EML6: variants seen among roughly 807,000 people sequenced by gnomAD.
The protein encoded by EML6 is EMAP like 6.
A neutral mutation model predicts 240.1 loss-of-function variants in EML6; 154 were observed. That is an observed-to-expected ratio of 0.64 (90% confidence interval 0.56 to 0.73). The LOEUF (loss-of-function observed/expected upper bound fraction) is 0.73, where lower values mean the gene tolerates loss of function less well. Among genes scored for constraint, EML6 ranks in the 30% least tolerant of loss-of-function variants. The probability of loss-of-function intolerance (pLI) is 0.00; values close to 1 mark genes in which losing one functional copy is unlikely to be tolerated. For synonymous variants in EML6, 1,148 were observed against 899.0 expected (o/e 1.28, Z -4.95); for missense variants, 2,964 against 2,474.6 (o/e 1.20, Z -4.20).
At chr2:54,755,483 C>A (rs1235309127) in intron 2 of EML6, among the ~76,000 whole-genome samples, 1 of 152,090 alleles carries the variant, frequency 6.6e-6, no homozygotes, top group African/African-American at 2.4e-5. Flanking sequence ...GTCTTCCAAT[C>A]CATGAAAATG....
intron 32 of EML6, among the ~76,000 whole-genome samples, chr2:54,955,899 T>A (rs2104509336): frequency 6.6e-6 from 1 of 152,362 alleles, no homozygotes. Flanking sequence ...GGGTTTGCCT[T>A]CATTTCAAGT....
At chr2:54,945,915 A>G (rs542277902) in intron 28 of EML6, among the ~76,000 whole-genome samples, 1 of 152,256 alleles carries the variant, frequency 6.6e-6, no homozygotes, top group East Asian at 1.9e-4. Context: ...TGCCCACAGA[A>G]TGTGCCAACT....
At chr2:54,860,215 A>G (rs562630404) in intron 12 of EML6, among the ~76,000 whole-genome samples, 3 of 152,146 alleles carry the variant, frequency 2.0e-5, no homozygotes, top group Non-Finnish European at 4.4e-5. Context: ...GACCTCACAC[A>G]TAGTGCCCTA....
chr2:54,843,968 G>GTGTGTGTA, intron 7 of EML6, 79 bp from the exon 8 acceptor site: 1 of 499,766 alleles, frequency 2.0e-6, no homozygotes, highest in Middle Eastern at 3.9e-4. Flanking sequence ...AGGGTTTTGT[G>GTGTGTGTA]TGTGTGTGTG....
chr2:54,792,677 CAATTT>C (rs1669518321), intron 2 of EML6, among the ~76,000 whole-genome samples: 1 of 152,060 alleles, frequency 6.6e-6, no homozygotes, highest in South Asian at 2.1e-4. Context: ...ATTTATACCT[CAATTT>C]AAAAATGTGA....
intron 26 of EML6, among the ~76,000 whole-genome samples, chr2:54,928,097 C>G (rs535880867): frequency 1.3e-5 from 2 of 152,170 alleles, no homozygotes; most frequent in African/African-American, 4.8e-5. Context: ...TTCATTCATT[C>G]CCTCAAAAAT....
intron 7 of EML6, among the ~76,000 whole-genome samples, chr2:54,831,513 C>T (rs1221461902): frequency 1.3e-5 from 2 of 152,004 alleles, no homozygotes; most frequent in East Asian, 3.9e-4. Context: ...CAGCGACGCC[C>T]TCCGTTATAC....
intron 1 of EML6, 64 bp downstream of exon 1, chr2:54,723,841 A>G (rs757407808): frequency 1.3e-5 from 2 of 152,738 alleles, no homozygotes; most frequent in East Asian, 1.9e-4. Flanking sequence ...GGAGGAGTGC[A>G]GGGCGCCGCC....
intron 29 of EML6, among the ~76,000 whole-genome samples, chr2:54,950,087 T>G (rs1009252003): frequency 5.3e-5 from 8 of 152,244 alleles, no homozygotes; most frequent in African/African-American, 1.9e-4. Flanking sequence ...CTGTTCTTTG[T>G]CTTAGAAGAC....
At chr2:54,953,334 G>GT (rs1676074518) in intron 31 of EML6, among the ~76,000 whole-genome samples, 1 of 152,172 alleles carries the variant, frequency 6.6e-6, no homozygotes, top group South Asian at 2.1e-4. Flanking sequence ...TGTTCCATCC[G>GT]TGAGTAGTTT....
At chr2:54,966,442 T>C (rs1053237131) in intron 38 of EML6, among the ~76,000 whole-genome samples, 1 of 152,126 alleles carries the variant, frequency 6.6e-6, no homozygotes, top group Non-Finnish European at 1.5e-5. Context: ...GCAAATGTCT[T>C]GATGGTAGGA....
chr2:54,826,871 C>T (rs189438315), intron 5 of EML6, among the ~76,000 whole-genome samples: 35 of 152,046 alleles, frequency 2.3e-4, no homozygotes, highest in African/African-American at 5.8e-4. Flanking sequence ...AATATATGTA[C>T]ACTAAAAATA....
intron 16 of EML6, among the ~76,000 whole-genome samples, chr2:54,875,619 G>A (rs1324526116): frequency 4.6e-5 from 7 of 152,166 alleles, no homozygotes; most frequent in South Asian, 2.1e-4. Flanking sequence ...GCCACTTTTC[G>A]AAAGCAAACA....
chr2:54,923,061 C>T (rs1404468083), intron 26 of EML6, among the ~76,000 whole-genome samples: 1 of 151,296 alleles, frequency 6.6e-6, no homozygotes, highest in East Asian at 1.9e-4. Flanking sequence ...CCTGCCTCAG[C>T]CCCCTGAGTA....
At chr2:54,962,395 AC>A in intron 35 of EML6, 127 bp from the exon 36 acceptor site, 1 of 727,538 alleles carries the variant, frequency 1.4e-6, no homozygotes, top group Non-Finnish European at 2.2e-6. Context: ...TCCCCTGTCC[AC>A]CACCCCCATT....
intron 25 of EML6, 138 bp from the exon 26 acceptor site, chr2:54,916,621 G>T (rs1673922082): frequency 7.2e-6 from 4 of 555,758 alleles, no homozygotes; most frequent in Non-Finnish European, 1.2e-5. Context: ...ATGCAACTTA[G>T]AATTTGTGTA....
chr2:54,941,129 T>C (rs1675407589), intron 28 of EML6, among the ~76,000 whole-genome samples: 3 of 152,258 alleles, frequency 2.0e-5, no homozygotes, highest in Non-Finnish European at 2.9e-5. Context: ...TAGTTTCTAA[T>C]TTTTTAATTG....
At chr2:54,871,276 G>GCT (rs1323784352) in intron 15 of EML6, among the ~76,000 whole-genome samples, 1 of 152,202 alleles carries the variant, frequency 6.6e-6, no homozygotes, top group Non-Finnish European at 1.5e-5. Context: ...ATCAGGTTAG[G>GCT]CTCTGTTGGA....
At chr2:54,918,341 A>C (rs900627182) in intron 26 of EML6, among the ~76,000 whole-genome samples, 1 of 152,056 alleles carries the variant, frequency 6.6e-6, no homozygotes, top group Non-Finnish European at 1.5e-5. Context: ...CCATTTATTT[A>C]TTTATTTTAA....
Sources: gnomAD v4.1 joint callset for allele counts (sites outside exome capture counted in the v4.1 genomes callset) on GRCh38, gnomAD v4.1.1 for gene constraint, MANE v1.5 for transcripts, NCBI Gene and HGNC (gene_info 2026-07-23, HGNC 2026-07-21) for gene names.